The following DGKK variants were observed in gnomAD, a reference collection of about 807,000 sequenced individuals.
DGKK encodes diacylglycerol kinase kappa.
A neutral mutation model predicts 92.2 loss-of-function variants in DGKK; 35 were observed. The observed-to-expected ratio is 0.38, with a 90% confidence interval of 0.29 to 0.50. DGKK has a LOEUF of 0.50. Among genes scored for constraint, DGKK ranks in the 20% least tolerant of loss-of-function variants. The pLI is 0.92. For synonymous variants in DGKK, 368 were observed against 360.6 expected, an observed-to-expected ratio of 1.02 and a Z score of -0.23; for missense variants, 910 against 992.2, an observed-to-expected ratio of 0.92 and a Z score of 1.11.
rs1193359001 is a variant in DGKK, at chrX:50,378,348, T to C, written c.2977-116A>G. 10 of 991,975 alleles carry C rather than the reference T, an allele frequency of 1.0e-5. No individual in the cohort carries two copies. In the African/African-American group the frequency reaches 1.6e-4, roughly 15 times the overall value. The allele number at this position is 991,975 out of a possible 1,213,427, so 81.7% of individuals were successfully genotyped here. ...GTATCTGAAGCAGGACTGGAAAGGA[T>C]GTGAATCAGATCATCCCAGGAAGAA... is the stretch of plus-strand genomic sequence containing the variant. On this transcript the variant is annotated intron_variant, in intron 21 of 27. Transcript: ENST00000611977.
chrX:50,406,588 C>T (rs1301498215), intron 4 of DGKK, among the ~76,000 whole-genome samples: 1 of 111,681 alleles, frequency 9.0e-6, no homozygotes, highest in African/African-American at 3.3e-5. Flanking sequence ...AGCACACAGA[C>T]ACAGGGGAGA....
chrX:50,423,739 AT>A (rs1181001099), intron 2 of DGKK, among the ~76,000 whole-genome samples: 1 of 112,012 alleles, frequency 8.9e-6, no homozygotes, highest in Admixed American at 9.5e-5. Context: ...GTGATTCTTT[AT>A]TTGAATTAAA....
At position 50,401,137 on chromosome X, in the gene DGKK, C is replaced by T. The variant is rs1557226585; in HGVS notation, c.1311G>A (p.Val437=). The T allele has an allele frequency of 8.4e-7, 1 of 1,192,322 alleles. No homozygotes were observed. The highest frequency in any genetic ancestry group is 2.3e-4 in the Middle Eastern group (1 of 4,327). The part of the protein sequence containing the change: ...DFRCLWCNST[V]HDDCRRRFSK... The stretch of plus-strand genomic sequence containing the variant: ...AAAACCGTCTCCTACAGTCATCATG[C>T]ACCTGAAACGACAAGAGAAGAGCAG... Residue 437 remains valine, a splice_region_variant and synonymous_variant, in exon 8 of 28, where the codon GTG becomes GTA. Coordinates refer to ENST00000611977, the MANE Select transcript of DGKK (RefSeq NM_001013742.4).
chrX:50,397,530 C>T (rs1004429715), intron 8 of DGKK, among the ~76,000 whole-genome samples: 1 of 111,801 alleles, frequency 8.9e-6, no homozygotes, highest in African/African-American at 3.2e-5. Context: ...TCAGCAACAT[C>T]TGGGACTTGT....
intron 1 of DGKK, among the ~76,000 whole-genome samples, chrX:50,447,681 TC>T (rs1176373720): frequency 1.9e-5 from 2 of 105,761 alleles, no homozygotes; most frequent in Admixed American, 1.1e-4. Context: ...TCTGACACTT[TC>T]CCTTGGGTTG....
chrX:50,412,239 C>T (rs781981458), intron 4 of DGKK, among the ~76,000 whole-genome samples: 11 of 111,398 alleles, frequency 9.9e-5, no homozygotes, highest in Non-Finnish European at 2.1e-4. Context: ...AATACTTAGG[C>T]GTAAATTTAA....
At chrX:50,448,102 A>G (rs1340868052) in intron 1 of DGKK, among the ~76,000 whole-genome samples, 1 of 111,325 alleles carries the variant, frequency 9.0e-6, no homozygotes, top group African/African-American at 3.3e-5. Context: ...ATTTCTAAAC[A>G]TCGAAAGAGA....
intron 1 of DGKK, among the ~76,000 whole-genome samples, chrX:50,429,696 A>C (rs1009871543): frequency 8.9e-5 from 10 of 112,482 alleles, no homozygotes; most frequent in East Asian, 2.8e-4. Context: ...CACACACACA[A>C]AAAAGTATTC....
chrX:50,463,156 T>C (rs1926803946), intron 1 of DGKK, among the ~76,000 whole-genome samples: 1 of 107,934 alleles, frequency 9.3e-6, no homozygotes. Flanking sequence ...TTTCTTTCTT[T>C]GATCCTTTAA....
chrX:50,440,680 C>T (rs781969739), intron 1 of DGKK, among the ~76,000 whole-genome samples: 1 of 111,550 alleles, frequency 9.0e-6, no homozygotes, highest in South Asian at 3.8e-4. Context: ...TCTCTTTGCT[C>T]ATGGCTATAT....
At chrX:50,373,301 T>A (rs190640416) in intron 25 of DGKK, among the ~76,000 whole-genome samples, 69 of 112,211 alleles carry the variant, frequency 6.1e-4, no homozygotes, top group South Asian at 2.3e-3. Flanking sequence ...TTTCTGGAGA[T>A]ACATGGTCAT....
chrX:50,379,544 C>T lies in DGKK; in HGVS notation c.2862+83G>A, dbSNP rs1176095537. 4 of 825,409 alleles carry T rather than the reference C, an allele frequency of 4.8e-6. No individual in the cohort carries two copies. The South Asian group carries it at 6.8e-5, about 14-fold the overall frequency. 68.0% of individuals were successfully genotyped at this position (825,409 alleles called of 1,213,427 possible). ...CTCTTCTCCCATTGTCTATTTTTCA[C>T]TTCAGTTAGCACAATGCTTCCTTCA... On this transcript the variant is annotated intron_variant, in intron 20 of 27. Transcript: ENST00000611977.
At chrX:50,393,386 T>C (rs1171084345) in intron 8 of DGKK, 51 bp from the exon 9 acceptor site, 4 of 1,032,531 alleles carry the variant, frequency 3.9e-6, no homozygotes, top group Admixed American at 5.4e-5. Context: ...CCCGTTGAGA[T>C]GGAAACGAGA....
chrX:50,456,409 T>C (rs1557232887), intron 1 of DGKK, among the ~76,000 whole-genome samples: 4 of 111,850 alleles, frequency 3.6e-5, no homozygotes, highest in Non-Finnish European at 1.9e-5. Flanking sequence ...CAGGAGAAAT[T>C]TGACACTAAG....
At chrX:50,424,756 T>C (rs1377210946) in intron 1 of DGKK, among the ~76,000 whole-genome samples, 2 of 111,710 alleles carry the variant, frequency 1.8e-5, no homozygotes, top group Non-Finnish European at 3.8e-5. Flanking sequence ...AGGGCTCTCC[T>C]GTCAGCTCTT....
chrX:50,383,008 C>T (rs1227484570), intron 17 of DGKK, among the ~76,000 whole-genome samples: 1 of 111,961 alleles, frequency 8.9e-6, no homozygotes, highest in African/African-American at 3.2e-5. Flanking sequence ...GTCTGCACAA[C>T]TGCTCTCAGT....
At chrX:50,402,312 G>A (rs782263236) in intron 7 of DGKK, among the ~76,000 whole-genome samples, 12 of 111,811 alleles carry the variant, frequency 1.1e-4, no homozygotes, top group Non-Finnish European at 2.3e-4. Context: ...TGAGGAGGCT[G>A]AGGTGAGAGG....
chrX:50,440,870 G>T (rs1926154461), intron 1 of DGKK, among the ~76,000 whole-genome samples: 1 of 112,021 alleles, frequency 8.9e-6, no homozygotes, highest in South Asian at 3.7e-4. Flanking sequence ...AAAACCAAAA[G>T]AACTTTTAAT....
At chrX:50,372,021 G>A (rs1267074020) in intron 25 of DGKK, among the ~76,000 whole-genome samples, 187 bp from the exon 26 acceptor site, 1 of 111,165 alleles carries the variant, frequency 9.0e-6, no homozygotes, top group African/African-American at 3.3e-5. Flanking sequence ...AAATGGTGGG[G>A]CTCTCCTTGG....
Sources: allele counts gnomAD v4.1 joint callset (sites outside exome capture counted in the v4.1 genomes callset), GRCh38; gene constraint gnomAD v4.1.1; transcripts MANE v1.5; gene names NCBI Gene and HGNC (gene_info 2026-07-23, HGNC 2026-07-21).